The following TMC7 variants were observed in gnomAD, a reference collection of about 807,000 sequenced individuals.
TMC7 encodes the protein transmembrane channel-like protein 7.
TMC7 carries 54 observed loss-of-function variants against 82.9 expected under a neutral mutation model. The observed-to-expected ratio is 0.65, with a 90% CI of 0.52 to 0.82. The LOEUF is 0.82. Among genes scored for constraint, TMC7 ranks in the 40% least tolerant of loss-of-function variants. The pLI is 0.00. For missense variants in TMC7, 820 were observed against 901.2 expected (o/e 0.91, Z 1.15); for synonymous variants, 350 against 337.9 (o/e 1.04, Z -0.39).
Position 19,030,294 on chromosome 16 carries a change from C to T in TMC7, c.782C>T (p.Thr261Ile), listed in dbSNP as rs1960450949. ...GATGGGGTGAAATTTCAGAACTTCACCTATGATCTGCCCCTGGCGTATTTG... is the reference window on the plus strand; with the variant it reads ...GATGGGGTGAAATTTCAGAACTTCATCTATGATCTGCCCCTGGCGTATTTG... ...TIDGVKFQNF[T>I]YDLPLAYLLS... is the part of the protein sequence containing the mutation. Residue 261 changes from threonine to isoleucine, a missense_variant, in exon 6 of 16, where the codon ACC becomes ATC. Transcript: ENST00000304381. The T allele has an allele frequency of 6.2e-7, 1 of 1,613,816 alleles. No individual in the cohort carries two copies. Among genetic ancestry groups the T allele is most frequent in the Non-Finnish European group, 8.5e-7 (1 of 1,179,962 alleles).
chr16:19,025,057 G>A (rs1057052187), intron 5 of TMC7, among the ~76,000 whole-genome samples: 5 of 152,120 alleles, frequency 3.3e-5, no homozygotes, highest in South Asian at 2.1e-4. Context: ...ATGAGCCACC[G>A]TGCCCAGTGG....
chr16:19,043,655 T>A (rs913398867), intron 9 of TMC7, among the ~76,000 whole-genome samples: 1 of 151,988 alleles, frequency 6.6e-6, no homozygotes, highest in African/African-American at 2.4e-5. Context: ...ACCGCAACCT[T>A]CGCCTCCCAG....
At chr16:19,001,795 C>A (rs1405917117) in intron 1 of TMC7, among the ~76,000 whole-genome samples, 1 of 152,190 alleles carries the variant, frequency 6.6e-6, no homozygotes, top group African/African-American at 2.4e-5. Flanking sequence ...CATCAAAGCA[C>A]AGAGCAAGTC....
intron 1 of TMC7, among the ~76,000 whole-genome samples, chr16:18,996,510 G>A (rs187572515): frequency 3.4e-4 from 52 of 152,324 alleles, no homozygotes; most frequent in African/African-American, 1.1e-3. Flanking sequence ...TGGCCACTTG[G>A]AACTACTGTC....
At chr16:19,015,869 C>T (rs1264752780) in intron 2 of TMC7, among the ~76,000 whole-genome samples, 1 of 152,044 alleles carries the variant, frequency 6.6e-6, no homozygotes, top group Non-Finnish European at 1.5e-5. Context: ...AGCCACCACG[C>T]CCAGCCTCAT....
chr16:19,001,033 A>G (rs374402893), intron 1 of TMC7, among the ~76,000 whole-genome samples: 1 of 152,166 alleles, frequency 6.6e-6, no homozygotes, highest in South Asian at 2.1e-4. Flanking sequence ...CACCAAACAA[A>G]ACAACAAAAT....
intron 6 of TMC7, 66 bp downstream of exon 6, chr16:19,030,435 A>C (rs1960462679): frequency 6.5e-7 from 1 of 1,529,220 alleles, no homozygotes; most frequent in African/African-American, 1.4e-5. Flanking sequence ...GAGATATGGG[A>C]GCTCTGGAAG....
intron 7 of TMC7, among the ~76,000 whole-genome samples, chr16:19,037,386 C>CAAAAAAA (rs34990574): frequency 1.5e-4 from 2 of 13,226 alleles, no homozygotes; most frequent in Non-Finnish European, 6.1e-4. Context: ...GACTCTGTCT[C>CAAAAAAA]AAAAAAAAAA....
In TMC7 at chr16:19,030,353, C is replaced by A. The variant is rs1222610734; in HGVS notation, c.841C>A (p.Leu281Ile). Reference sequence around the variant, plus strand: ...AATCGCCTCCCTGGCCCTGAGCCTTCTTTGGATAGTGAAAAGGTAAAGTCT... The same window carrying A: ...AATCGCCTCCCTGGCCCTGAGCCTTATTTGGATAGTGAAAAGGTAAAGTCT... ...STIASLALSL[L>I]WIVKRSVEGF... Residue 281 changes from leucine to isoleucine, a missense_variant, in exon 6 of 16, where the codon CTT (leucine) becomes ATT (isoleucine). This residue lies in a region of TMC7 where 650 missense variants were observed against 669.9 expected (regional missense o/e 0.97). Transcript: ENST00000304381. The A allele has an allele frequency of 3.1e-6, 5 of 1,611,000 alleles. No individual in the cohort carries two copies. In the South Asian group the frequency reaches 5.5e-5, roughly 18 times the overall value.
intron 1 of TMC7, among the ~76,000 whole-genome samples, chr16:18,998,636 C>T (rs930750760): frequency 3.3e-5 from 5 of 152,102 alleles, no homozygotes; most frequent in Non-Finnish European, 7.4e-5. Context: ...CACCCATAGT[C>T]CCAGCCACTT....
intron 9 of TMC7, among the ~76,000 whole-genome samples, chr16:19,044,658 T>G (rs1271588649): frequency 6.7e-6 from 1 of 148,640 alleles, no homozygotes. Context: ...AAAAATTAGC[T>G]GGGTATGGTG....
Position 19,061,870 on chromosome 16 carries a change from C to T in TMC7, c.*27C>T. On this transcript the variant is annotated 3_prime_UTR_variant, in exon 16 of 16. Transcript: ENST00000304381. Reference sequence around the variant, plus strand: ...TAGACTGAGCGTGAAGATGGTGCTGCCTGTTGCTTCTAAGCTGACCTAGTG... The same window carrying T: ...TAGACTGAGCGTGAAGATGGTGCTGTCTGTTGCTTCTAAGCTGACCTAGTG... 2.5e-6 allele frequency: 4 copies of T among 1,603,640 alleles called. No homozygotes were observed. Among genetic ancestry groups the T allele is most frequent in the Non-Finnish European group, 3.4e-6 (4 of 1,172,760 alleles).
At chr16:19,050,429 T>C (rs904823045) in intron 12 of TMC7, among the ~76,000 whole-genome samples, 50 of 150,932 alleles carry the variant, frequency 3.3e-4, no homozygotes, top group African/African-American at 1.1e-3. Flanking sequence ...ATTCATCTTG[T>C]ACGGAGTTTT....
At position 19,047,180 on chromosome 16, in the gene TMC7, A is replaced by G. The variant is rs1961314145; in HGVS notation, c.1671A>G (p.Gly557=). Residue 557 remains glycine (G), a synonymous_variant, in exon 12 of 16, where the codon GGA becomes GGG. Transcript: ENST00000304381. ...IVYGQTICWI[G]AFFSPLLPAI... is the part of the protein sequence containing the mutation. ...ACGGGCAAACCATCTGCTGGATCGG[A>G]GCCTTTTTCTCACCCCTTCTCCCTG... 6.2e-7 allele frequency: 1 copy of G among 1,613,858 alleles called. No homozygotes were observed. Among genetic ancestry groups the G allele is most frequent in the Non-Finnish European group, 8.5e-7 (1 of 1,179,978 alleles).
chr16:19,022,771 G>A (rs1008261082), intron 4 of TMC7, among the ~76,000 whole-genome samples: 4 of 152,226 alleles, frequency 2.6e-5, no homozygotes, highest in Non-Finnish European at 5.9e-5. Flanking sequence ...GCTCACGCCT[G>A]TAATCCCAGC....
chr16:19,040,495 G>C, intron 9 of TMC7, 49 bp downstream of exon 9: 1 of 1,545,950 alleles, frequency 6.5e-7, no homozygotes, highest in Non-Finnish European at 8.8e-7. Flanking sequence ...GTCACTACCT[G>C]CCCACTCTCT....
At position 19,037,964 on chromosome 16, in the gene TMC7, A is replaced by T. The variant is rs561009105; in HGVS notation, c.1096A>T (p.Asn366Tyr). 1 of 1,614,132 alleles carries T rather than the reference A, an allele frequency of 6.2e-7. No homozygotes were observed. Among genetic ancestry groups the T allele is most frequent in the African/African-American group, 1.3e-5 (1 of 75,038 alleles). ...IRIYSLRLFL[N>Y]CIVLAVLGAC... ...CATTTACTCTTTGAGACTGTTTTTGAACTGTATTGTTCTGGCTGTTTTAGG... is the reference window on the plus strand; with the variant it reads ...CATTTACTCTTTGAGACTGTTTTTGTACTGTATTGTTCTGGCTGTTTTAGG... Residue 366 changes from asparagine (N) to tyrosine (Y), a missense_variant, in exon 8 of 16, where the codon AAC becomes TAC. This residue lies in a region of TMC7 where 650 missense variants were observed against 669.9 expected (regional missense o/e 0.97). Coordinates refer to ENST00000304381, the MANE Select transcript of TMC7 (RefSeq NM_024847.4).
intron 13 of TMC7, among the ~76,000 whole-genome samples, chr16:19,056,288 G>A (rs1044360729): frequency 3.9e-5 from 6 of 152,044 alleles, no homozygotes; most frequent in Non-Finnish European, 7.4e-5. Context: ...GTTTCACCAC[G>A]TTGGTCAGCC....
Position 19,047,248 on chromosome 16 carries a change from A to C in TMC7, c.1739A>C (p.Glu580Ala), listed in dbSNP as rs1272445232. The C allele has an allele frequency of 1.9e-6, 3 of 1,613,360 alleles. No homozygotes were observed. Among genetic ancestry groups the C allele is most frequent in the Non-Finnish European group, 2.5e-6 (3 of 1,179,706 alleles). The change falls in exon 12 of 16, where the codon GAG becomes GCG. Residue 580 changes from glutamate (E) to alanine (A), a missense_variant and splice_region_variant. Around this residue, in one of 2 missense-constraint regions of TMC7, gnomAD observed 170 missense variants for 231.3 expected, o/e 0.74. Coordinates refer to ENST00000304381, the MANE Select transcript of TMC7 (RefSeq NM_024847.4). ...LKFIIIFYVK[E>A]WSLLYTCRPS... ...TTCATTATCATCTTCTATGTGAAAG[A>C]GGTAAGGAGCCGGTGGGAATGGGGG...
Sources: gnomAD v4.1 joint callset for allele counts (sites outside exome capture counted in the v4.1 genomes callset) on GRCh38, gnomAD v4.1.1 for gene constraint, gnomAD v4.1.1 regional missense constraint, MANE v1.5 for transcripts, NCBI Gene and HGNC (gene_info 2026-07-23, HGNC 2026-07-21) for gene names.